CROT: variants seen among roughly 807,000 people sequenced by gnomAD.
CROT encodes carnitine O-octanoyltransferase.
A neutral mutation model predicts 89.2 loss-of-function variants in CROT; 84 were observed. That is an observed-to-expected ratio of 0.94 (90% CI 0.79 to 1.13). The LOEUF is 1.13. Among genes scored for constraint, CROT ranks in the 50% most tolerant of loss-of-function variants. The pLI is 0.00. For missense variants in CROT, 711 were observed against 727.8 expected (o/e 0.98, Z 0.27); for synonymous variants, 212 against 239.5 (o/e 0.89, Z 1.06).
At chr7:87,395,011 A>G (rs116012122) in intron 17 of CROT, among the ~76,000 whole-genome samples, 1,918 of 152,232 alleles carry the variant, frequency 0.013, 39 homozygotes, top group African/African-American at 0.043. Context: ...CACAAAGGAC[A>G]TTTGTTAGTA....
chr7:87,350,233 T>C (rs139836491), intron 3 of CROT, among the ~76,000 whole-genome samples: 7 of 152,250 alleles, frequency 4.6e-5, no homozygotes, highest in African/African-American at 1.7e-4. Flanking sequence ...TCCTGGGATA[T>C]ATTATGGCAG....
intron 6 of CROT, among the ~76,000 whole-genome samples, chr7:87,367,033 A>G (rs116120475): frequency 2.8e-3 from 425 of 152,312 alleles, no homozygotes; most frequent in African/African-American, 9.6e-3. Context: ...GACATTTACC[A>G]GCCTTTCAGT....
chr7:87,349,208 T>G (rs368674447), intron 3 of CROT, 25 bp downstream of exon 3: 1 of 1,096,092 alleles, frequency 9.1e-7, no homozygotes, highest in Non-Finnish European at 1.3e-6. Flanking sequence ...TTTTAGTATA[T>G]ATTAATATTA....
intron 6 of CROT, among the ~76,000 whole-genome samples, chr7:87,364,557 G>A (rs1233269704): frequency 1.3e-5 from 2 of 152,208 alleles, no homozygotes; most frequent in African/African-American, 2.4e-5. Flanking sequence ...TGATGAAGTG[G>A]TGGTAACATT....
chr7:87,362,843 G>A (rs917802699), intron 6 of CROT, among the ~76,000 whole-genome samples: 7 of 151,970 alleles, frequency 4.6e-5, no homozygotes, highest in African/African-American at 1.5e-4. Context: ...ATAGTATGAG[G>A]GGTATGAGCT....
At chr7:87,398,220 T>C (rs1807608397) in intron 17 of CROT, 1 of 518,200 alleles carries the variant, frequency 1.9e-6, no homozygotes. Context: ...GGAAGGACTT[T>C]TCTAGGAAGG....
intron 13 of CROT, among the ~76,000 whole-genome samples, chr7:87,382,965 G>A (rs919365951): frequency 5.9e-5 from 9 of 152,130 alleles, no homozygotes; most frequent in Admixed American, 1.3e-4. Context: ...GTCCCTCAAT[G>A]TTGCTTTTTC....
intron 13 of CROT, among the ~76,000 whole-genome samples, chr7:87,390,864 G>A (rs1168442363): frequency 2.0e-5 from 3 of 152,158 alleles, no homozygotes; most frequent in Non-Finnish European, 4.4e-5. Context: ...CACACATTTT[G>A]TGGGTCAGTA....
intron 3 of CROT, among the ~76,000 whole-genome samples, chr7:87,357,224 T>C (rs1348261782): frequency 2.0e-5 from 3 of 152,158 alleles, no homozygotes; most frequent in Non-Finnish European, 4.4e-5. Flanking sequence ...GAAGTATAGC[T>C]TTCCCATATC....
chr7:87,357,390 A>G lies in CROT; in HGVS notation c.116-1816A>G, dbSNP rs996077612. ...CTAGAGACTCTAACCCCATTGGGCT[A>G]GAAATATTATCCTTGATAGGATGCC... On this transcript the variant is annotated intron_variant, in intron 3 of 17. Coordinates refer to ENST00000331536, the MANE Select transcript of CROT (RefSeq NM_021151.4). 1.1e-5 allele frequency: 15 copies of G among 1,361,560 alleles called. No homozygotes were observed. The African/African-American group carries it at 1.7e-4, about 16-fold the overall frequency. 84.3% of individuals were successfully genotyped at this position (1,361,560 alleles called of 1,614,324 possible).
intron 7 of CROT, among the ~76,000 whole-genome samples, chr7:87,372,039 A>G (rs1341906220): frequency 1.3e-5 from 2 of 151,210 alleles, no homozygotes; most frequent in African/African-American, 4.9e-5. Context: ...AGCTATATCT[A>G]GTCAACTGAC....
chr7:87,375,771 CTT>C (rs746718483), intron 8 of CROT, 46 bp downstream of exon 8: 6 of 1,612,158 alleles, frequency 3.7e-6, no homozygotes, highest in Middle Eastern at 1.6e-4. Flanking sequence ...CTAACAAACT[CTT>C]TTGATGTATT....
At chr7:87,353,570 T>C (rs1805949616) in intron 3 of CROT, among the ~76,000 whole-genome samples, 1 of 152,206 alleles carries the variant, frequency 6.6e-6, no homozygotes, top group Non-Finnish European at 1.5e-5. Flanking sequence ...AAAAAGAAGT[T>C]TAATTGGCTC....
intron 6 of CROT, among the ~76,000 whole-genome samples, chr7:87,362,056 A>G (rs753241746): frequency 6.6e-6 from 1 of 152,208 alleles, no homozygotes; most frequent in Non-Finnish European, 1.5e-5. Flanking sequence ...ACATGGTTCA[A>G]CACAAACCTG....
At position 87,361,782 on chromosome 7, in the gene CROT, C is replaced by G. The variant is rs751918418; in HGVS notation, c.477C>G (p.Phe159Leu). The change falls in exon 6 of 18, where the codon TTC (phenylalanine) becomes TTG (leucine). Residue 159 changes from phenylalanine to leucine, a missense_variant. By Grantham distance (22) the Phe-to-Leu change is conservative. Coordinates refer to ENST00000331536, the MANE Select transcript of CROT (RefSeq NM_021151.4). ...VGNTPLDMNQ[F>L]RMLFSTCKVP... ...ATACTCCTCTAGATATGAATCAATT[C>G]CGAATGCTATTTTCTACCTGCAAGG... is the stretch of plus-strand genomic sequence containing the variant. 1.9e-6 allele frequency: 3 copies of G among 1,608,850 alleles called. No homozygotes were observed. Among genetic ancestry groups the G allele is most frequent in the Non-Finnish European group, 2.5e-6 (3 of 1,177,422 alleles).
intron 4 of CROT, chr7:87,360,136 CT>C (rs1488199017): frequency 2.2e-6 from 2 of 918,400 alleles, no homozygotes; most frequent in East Asian, 1.2e-4. Flanking sequence ...TTATCTGTAT[CT>C]TTTTTGTTTA....
intron 6 of CROT, 34 bp downstream of exon 6, chr7:87,361,886 G>T: frequency 6.5e-7 from 1 of 1,543,846 alleles, no homozygotes; most frequent in South Asian, 1.2e-5. Context: ...TTTTAGTAAA[G>T]GCACTGGAAT....
At position 87,393,002 on chromosome 7, in the gene CROT, C is replaced by A; in HGVS notation, c.1653C>A (p.Val551=). Residue 551 remains valine, a synonymous_variant, in exon 17 of 18, where the codon GTC becomes GTA. Coordinates refer to ENST00000331536, the MANE Select transcript of CROT (RefSeq NM_021151.4). ...CAAGTCTGGTTGGCTATTTACGAGT[C>A]CAGGGAGTGGTAGTTCCCATGGTAC... The part of the protein sequence containing the change: ...LSTSLVGYLR[V]QGVVVPMVHN... 6.2e-7 allele frequency: 1 copy of A among 1,613,498 alleles called. No homozygotes were observed. Among genetic ancestry groups the A allele is most frequent in the Middle Eastern group, 1.7e-4 (1 of 6,058 alleles).
Position 87,365,363 on chromosome 7 carries a change from G to A in CROT, c.547+3511G>A, listed in dbSNP as rs921812881. 3.9e-5 allele frequency among the ~76,000 whole-genome samples: 6 copies of A among 152,130 alleles called. No homozygotes were observed. In the East Asian group the frequency reaches 5.8e-4, roughly 15 times the overall value. On this transcript the variant is annotated intron_variant, in intron 6 of 17. Transcript: ENST00000331536. ...AATTTAGCTGGGCACAGTGGCTCGC[G>A]CCTGTAATCCCAGCTACGCGGGAAG...
Sources: allele counts gnomAD v4.1 joint callset (sites outside exome capture counted in the v4.1 genomes callset), GRCh38; gene constraint gnomAD v4.1.1; transcripts MANE v1.5; gene names NCBI Gene and HGNC (gene_info 2026-07-23, HGNC 2026-07-21).